ANXA8: variants seen among roughly 807,000 people sequenced by gnomAD.
ANXA8 encodes the protein VAC-beta.
In ANXA8, 9 loss-of-function variants were observed where a neutral mutation model predicts 26.8. The observed-to-expected ratio is 0.34, with a 90% CI of 0.20 to 0.59. ANXA8 has a LOEUF of 0.59. Among genes scored for constraint, ANXA8 ranks in the 20% least tolerant of loss-of-function variants. The probability of loss-of-function intolerance (pLI) is 0.84; values close to 1 mark genes in which losing one functional copy is unlikely to be tolerated. For synonymous variants in ANXA8, 39 were observed against 94.8 expected (o/e 0.41, Z 3.42); for missense variants, 83 against 238.5 (o/e 0.35, Z 4.29).
At chr10:47,772,567 C>T in the ANXA8 span, among the ~76,000 whole-genome samples, 1 of 152,024 alleles carries the variant, frequency 6.6e-6, no homozygotes, top group South Asian at 2.1e-4. Flanking sequence ...CTGTCAATGC[C>T]ACGGGATTTC....
the ANXA8 span, among the ~76,000 whole-genome samples, chr10:47,701,907 G>A: frequency 6.6e-6 from 1 of 151,424 alleles, no homozygotes; most frequent in Non-Finnish European, 1.5e-5. Flanking sequence ...AACCTAAGTA[G>A]CTGTGGAAAA....
At chr10:47,557,792 G>A in the ANXA8 span, among the ~76,000 whole-genome samples, 26 of 149,428 alleles carry the variant, frequency 1.7e-4, no homozygotes, top group African/African-American at 5.9e-4. Flanking sequence ...AAAAAACAGT[G>A]ACTCTAGCTG....
the ANXA8 span, among the ~76,000 whole-genome samples, chr10:47,645,738 G>A: frequency 2.7e-3 from 408 of 150,360 alleles, 6 homozygotes; most frequent in African/African-American, 9.8e-3. Context: ...CATTTGAATA[G>A]GTAGACTGAG....
chr10:47,595,554 A>C, the ANXA8 span, among the ~76,000 whole-genome samples: 2 of 149,336 alleles, frequency 1.3e-5, no homozygotes, highest in African/African-American at 5.1e-5. Flanking sequence ...TTCAAAGTAA[A>C]GGGATAGAGA....
At chr10:47,979,904 G>A in the ANXA8 span, among the ~76,000 whole-genome samples, 2 of 152,054 alleles carry the variant, frequency 1.3e-5, no homozygotes, top group Non-Finnish European at 2.9e-5. Flanking sequence ...CCTATTTTTA[G>A]CCCAGTAAGA....
the ANXA8 span, among the ~76,000 whole-genome samples, chr10:47,736,760 T>C: frequency 1.4e-5 from 2 of 142,794 alleles, no homozygotes; most frequent in African/African-American, 2.6e-5. Context: ...GTTCAAGCGA[T>C]TCTCCTGCCT....
the ANXA8 span, among the ~76,000 whole-genome samples, chr10:47,667,536 A>G: frequency 6.6e-6 from 1 of 151,650 alleles, no homozygotes. Flanking sequence ...ATTTATTTAT[A>G]TATTTTTAAA....
chr10:47,776,777 TG>T, the ANXA8 span, among the ~76,000 whole-genome samples: 1 of 151,904 alleles, frequency 6.6e-6, no homozygotes, highest in Non-Finnish European at 1.5e-5. Context: ...GTTGAACTGC[TG>T]GAAGAGAGAC....
At chr10:47,478,658 GCCCC>G in intron 2 of ANXA8, 31 bp from the exon 3 acceptor site, 1 of 697,166 alleles carries the variant, frequency 1.4e-6, no homozygotes, top group Non-Finnish European at 2.2e-6. Flanking sequence ...TGACCCTGCT[GCCCC>G]CAGGGTGACA....
the ANXA8 span, among the ~76,000 whole-genome samples, chr10:47,521,984 A>G: frequency 6.6e-6 from 1 of 150,922 alleles, no homozygotes; most frequent in East Asian, 2.0e-4. Flanking sequence ...ACAGCGTTTC[A>G]CCATGTTGGC....
the ANXA8 span, among the ~76,000 whole-genome samples, chr10:47,550,044 G>A: frequency 2.6e-5 from 4 of 151,776 alleles, no homozygotes; most frequent in African/African-American, 9.7e-5. Context: ...TTGAGCCTGG[G>A]AGGTTGAGGC....
chr10:47,659,221 C>T, the ANXA8 span, among the ~76,000 whole-genome samples: 3 of 151,722 alleles, frequency 2.0e-5, no homozygotes, highest in African/African-American at 4.9e-5. Context: ...ATAGTAGGCA[C>T]ACAGCCATTG....
the ANXA8 span, among the ~76,000 whole-genome samples, chr10:47,596,045 C>A: frequency 7.1e-6 from 1 of 140,670 alleles, no homozygotes; most frequent in African/African-American, 2.9e-5. Flanking sequence ...TAAAAACAAT[C>A]AAATAATATC....
chr10:47,658,341 G>A, the ANXA8 span, among the ~76,000 whole-genome samples: 2 of 150,574 alleles, frequency 1.3e-5, no homozygotes, highest in African/African-American at 2.5e-5. Flanking sequence ...AGCCAAGATC[G>A]CACCACTGCA....
the ANXA8 span, among the ~76,000 whole-genome samples, chr10:47,712,810 TG>T: frequency 4.3e-3 from 454 of 105,708 alleles, no homozygotes; most frequent in Middle Eastern, 5.4e-3. Flanking sequence ...TTTGTTTGTT[TG>T]AGACAGAGTT....
chr10:47,688,010 G>A, the ANXA8 span, among the ~76,000 whole-genome samples: 4 of 151,820 alleles, frequency 2.6e-5, no homozygotes, highest in African/African-American at 9.7e-5. Context: ...TGAGACAGGA[G>A]AATTGCTTGA....
the ANXA8 span, chr10:47,710,243 T>C: frequency 3.2e-5 from 48 of 1,521,108 alleles, no homozygotes; most frequent in Non-Finnish European, 3.9e-5. Context: ...TTAGTGACGT[T>C]GTACTTCAAG....
At chr10:47,960,842 G>A in the ANXA8 span, among the ~76,000 whole-genome samples, 5 of 137,212 alleles carry the variant, frequency 3.6e-5, no homozygotes, top group African/African-American at 1.5e-4. Context: ...GCTGCTTGGG[G>A]ACCAGCCATC....
At chr10:47,626,947 C>T in the ANXA8 span, among the ~76,000 whole-genome samples, 2 of 149,502 alleles carry the variant, frequency 1.3e-5, no homozygotes, top group East Asian at 1.9e-4. Flanking sequence ...AATAGAATAA[C>T]GAAATTCCCT....
Sources: allele counts gnomAD v4.1 joint callset (sites outside exome capture counted in the v4.1 genomes callset), GRCh38; gene constraint gnomAD v4.1.1; transcripts MANE v1.5; gene names NCBI Gene and HGNC (gene_info 2026-07-23, HGNC 2026-07-21).